The following FSTL5 variants were observed in gnomAD, a reference collection of about 807,000 sequenced individuals.
FSTL5 encodes the protein follistatin like 5.
Under a neutral mutation model 89.1 loss-of-function variants are expected in FSTL5, and 62 were observed. That is an observed-to-expected ratio of 0.70 (90% CI 0.57 to 0.86). FSTL5 has a LOEUF of 0.86. Among genes scored for constraint, FSTL5 ranks in the 40% least tolerant of loss-of-function variants. FSTL5 has a pLI of 0.00. For synonymous variants in FSTL5, 383 were observed against 346.2 expected (o/e 1.11, Z -1.18); for missense variants, 1,057 against 1,001.6 (o/e 1.06, Z -0.75).
At chr4:161,834,632 A>G (rs1443366819) in intron 4 of FSTL5, among the ~76,000 whole-genome samples, 1 of 152,166 alleles carries the variant, frequency 6.6e-6, no homozygotes, top group Non-Finnish European at 1.5e-5. Context: ...ATGTACAAAA[A>G]TCACAAGCAT....
chr4:161,860,175 C>A (rs909262032), intron 4 of FSTL5, among the ~76,000 whole-genome samples: 1 of 152,132 alleles, frequency 6.6e-6, no homozygotes, highest in African/African-American at 2.4e-5. Context: ...GTAGTCCCAG[C>A]TACTCGGGAG....
intron 6 of FSTL5, among the ~76,000 whole-genome samples, chr4:161,743,492 T>C (rs1740094713): frequency 6.6e-6 from 1 of 152,140 alleles, no homozygotes; most frequent in South Asian, 2.1e-4. Flanking sequence ...ATCCCCTCCA[T>C]CTTTGCTTTT....
intron 6 of FSTL5, among the ~76,000 whole-genome samples, chr4:161,707,349 T>G (rs1738618365): frequency 6.6e-6 from 1 of 151,900 alleles, no homozygotes; most frequent in Admixed American, 6.6e-5. Context: ...TTGATGCAAT[T>G]AATGCCTATT....
At chr4:161,844,369 G>A (rs1001381442) in intron 4 of FSTL5, among the ~76,000 whole-genome samples, 4 of 152,116 alleles carry the variant, frequency 2.6e-5, no homozygotes, top group Admixed American at 6.5e-5. Flanking sequence ...GTGGAAGACC[G>A]TGTGGCAATT....
intron 15 of FSTL5, among the ~76,000 whole-genome samples, chr4:161,408,984 T>C (rs1268592479): frequency 6.6e-6 from 1 of 152,188 alleles, no homozygotes; most frequent in African/African-American, 2.4e-5. Context: ...AAATAACTTA[T>C]ATTTGAGGAT....
At chr4:161,459,168 C>A in intron 14 of FSTL5, 44 bp downstream of exon 14, 1 of 1,138,698 alleles carries the variant, frequency 8.8e-7, no homozygotes, top group Non-Finnish European at 1.3e-6. Context: ...ATGTTGAAAG[C>A]TTTAAAGATT....
chr4:161,410,951 C>CAAAA (rs764615060), intron 15 of FSTL5, among the ~76,000 whole-genome samples: 6,403 of 127,132 alleles, frequency 0.05, 184 homozygotes, highest in Non-Finnish European at 0.077. Context: ...GTTGGTTGTT[C>CAAAA]AAAAAAAAAA....
intron 3 of FSTL5, among the ~76,000 whole-genome samples, chr4:162,028,798 A>G (rs1737398922): frequency 6.6e-6 from 1 of 152,150 alleles, no homozygotes; most frequent in Admixed American, 6.5e-5. Flanking sequence ...TTAATCAGTC[A>G]ATGTAATATA....
intron 11 of FSTL5, 50 bp from the exon 12 acceptor site, chr4:161,500,184 C>G (rs1453125427): frequency 3.0e-5 from 37 of 1,237,442 alleles, no homozygotes; most frequent in Non-Finnish European, 4.1e-5. Flanking sequence ...TATCATAAAC[C>G]TTTACAACCA....
chr4:161,561,493 T>A (rs550279479), intron 8 of FSTL5, among the ~76,000 whole-genome samples: 47 of 152,028 alleles, frequency 3.1e-4, no homozygotes, highest in African/African-American at 9.9e-4. Flanking sequence ...CTCTGGGTTA[T>A]TTTTTGGTTT....
At chr4:161,589,473 A>C (rs1287171494) in intron 7 of FSTL5, among the ~76,000 whole-genome samples, 1 of 152,004 alleles carries the variant, frequency 6.6e-6, no homozygotes, top group Non-Finnish European at 1.5e-5. Context: ...ATGAGCCACT[A>C]CGCCCAGCTA....
chr4:161,545,925 G>T (rs932168919), intron 8 of FSTL5, among the ~76,000 whole-genome samples: 3 of 151,774 alleles, frequency 2.0e-5, no homozygotes, highest in Non-Finnish European at 4.4e-5. Context: ...AAAAACAACA[G>T]TCAAGTTTTA....
chr4:161,739,349 C>G (rs1188330353), intron 6 of FSTL5, among the ~76,000 whole-genome samples: 1 of 152,174 alleles, frequency 6.6e-6, no homozygotes, highest in Non-Finnish European at 1.5e-5. Context: ...AAAGATCCTT[C>G]ACTCATGCCT....
intron 3 of FSTL5, among the ~76,000 whole-genome samples, chr4:161,969,850 A>G (rs1163037733): frequency 6.6e-6 from 1 of 152,134 alleles, no homozygotes; most frequent in African/African-American, 2.4e-5. Flanking sequence ...ATGAGGGATG[A>G]TAATAATAAT....
At chr4:161,929,139 GCT>G (rs909378172) in intron 3 of FSTL5, among the ~76,000 whole-genome samples, 1 of 150,116 alleles carries the variant, frequency 6.7e-6, no homozygotes, top group Non-Finnish European at 1.5e-5. Context: ...TCCCTCTGTT[GCT>G]CTCTCTCTTT....
intron 2 of FSTL5, among the ~76,000 whole-genome samples, chr4:162,073,627 TA>T (rs1035757180): frequency 2.0e-5 from 3 of 151,784 alleles, no homozygotes; most frequent in Non-Finnish European, 2.9e-5. Flanking sequence ...ACAGCAAGTA[TA>T]AAAAATATCT....
chr4:161,721,355 G>T (rs1252673622), intron 6 of FSTL5, among the ~76,000 whole-genome samples: 1 of 148,102 alleles, frequency 6.8e-6, no homozygotes, highest in Non-Finnish European at 1.5e-5. Flanking sequence ...TATCACAAAA[G>T]GTTTTAAAAA....
At position 161,751,128 on chromosome 4, in the gene FSTL5, G is replaced by T. The variant is rs374068467; in HGVS notation, c.727+8283C>A. Among the ~76,000 whole-genome samples the T allele has an allele frequency of 6.6e-5, 10 of 151,998 alleles. No individual in the cohort carries two copies. The South Asian group carries it at 1.5e-3, about 22-fold the overall frequency. On this transcript the variant is annotated intron_variant, in intron 6 of 15. Transcript: ENST00000306100. Reference sequence around the variant, plus strand: ...TATAGGTGAAAAAAAGAACCCTAAAGGCACAATAGTGGTATCCCATTAAGG... The same window carrying T: ...TATAGGTGAAAAAAAGAACCCTAAATGCACAATAGTGGTATCCCATTAAGG...
chr4:162,077,866 T>A (rs1050314679), intron 2 of FSTL5, among the ~76,000 whole-genome samples: 1 of 151,854 alleles, frequency 6.6e-6, no homozygotes, highest in African/African-American at 2.4e-5. Context: ...TATTGCAATA[T>A]ATTAAACAAA....
Sources: gnomAD v4.1 joint callset for allele counts (sites outside exome capture counted in the v4.1 genomes callset) on GRCh38, gnomAD v4.1.1 for gene constraint, MANE v1.5 for transcripts, NCBI Gene and HGNC (gene_info 2026-07-23, HGNC 2026-07-21) for gene names.